HM13: variants seen among roughly 807,000 people sequenced by gnomAD.
HM13 encodes signal peptide peptidase.
In HM13, 18 loss-of-function variants were observed where a neutral mutation model predicts 50.0. That is an observed-to-expected ratio of 0.36 (90% CI 0.25 to 0.53). HM13 has a LOEUF of 0.53. Ranked by LOEUF, HM13 falls within the 20% of genes least tolerant of loss-of-function variation. HM13 has a pLI of 0.90. For missense variants in HM13, 393 were observed against 552.4 expected (o/e 0.71, Z 2.89); for synonymous variants, 197 against 232.6 (o/e 0.85, Z 1.39).
At chr20:31,523,024 G>A (rs1324661658) in intron 1 of HM13, among the ~76,000 whole-genome samples, 1 of 140,220 alleles carries the variant, frequency 7.1e-6, no homozygotes, top group African/African-American at 3.0e-5. Context: ...CATTATAATA[G>A]CCTGTTTGGG....
chr20:31,534,207 C>T (rs1982982594), intron 2 of HM13, among the ~76,000 whole-genome samples: 1 of 152,086 alleles, frequency 6.6e-6, no homozygotes, highest in African/African-American at 2.4e-5. Context: ...GGATCACTCG[C>T]ACACAGCCAC....
chr20:31,532,327 A>G (rs973580864), intron 2 of HM13, among the ~76,000 whole-genome samples: 2 of 152,208 alleles, frequency 1.3e-5, no homozygotes, highest in African/African-American at 4.8e-5. Context: ...TGGGAGGCTG[A>G]GGCAGGAGAA....
intron 4 of HM13, 70 bp downstream of exon 4, chr20:31,545,105 A>G (rs1983638704): frequency 2.4e-6 from 3 of 1,228,904 alleles, no homozygotes; most frequent in African/African-American, 3.0e-5. Flanking sequence ...TTGTCTCTCC[A>G]ATATTGGGGT....
intron 1 of HM13, among the ~76,000 whole-genome samples, chr20:31,516,743 TCTC>T (rs1173923299): frequency 6.6e-6 from 1 of 152,074 alleles, no homozygotes; most frequent in Admixed American, 6.6e-5. Context: ...CTCCCAAGCA[TCTC>T]CTGCAGGGCA....
At chr20:31,518,519 G>T (rs1385403106) in intron 1 of HM13, among the ~76,000 whole-genome samples, 1 of 151,184 alleles carries the variant, frequency 6.6e-6, no homozygotes, top group Non-Finnish European at 1.5e-5. Flanking sequence ...GGTGGGGCAC[G>T]CCTGTAATCC....
chr20:31,539,647 T>G (rs1983321308), intron 3 of HM13: 3 of 291,524 alleles, frequency 1.0e-5, no homozygotes, highest in Non-Finnish European at 1.5e-5. Context: ...TACAAAAAAA[T>G]TAGCTGGGCA....
rs1298890398 is a variant in HM13, at chr20:31,569,199, C to A, written c.1261C>A (p.Leu421Met). ...AACAGAGGCATCAGCATCGAAGGGGCTGGAGAAGAAAGAGAAATGATGCAG... is the reference window on the plus strand; with the variant it reads ...AACAGAGGCATCAGCATCGAAGGGGATGGAGAAGAAAGAGAAATGATGCAG... ...EGTEASASKG[L>M]EKKEK is the part of the protein sequence containing the mutation. Residue 421 changes from leucine to methionine, a missense_variant, in exon 13 of 13, where the codon CTG becomes ATG. Physicochemically the swap from Leu to Met is conservative, Grantham distance 15 (BLOSUM62 2). Around this residue, in one of 3 missense-constraint regions of HM13, gnomAD observed 105 missense variants for 115.9 expected, o/e 0.91. Transcript: ENST00000398174. 1 of 1,595,638 alleles carries A rather than the reference C, an allele frequency of 6.3e-7. No homozygotes were observed. The highest frequency in any genetic ancestry group is 8.5e-7 in the Non-Finnish European group (1 of 1,170,334).
intron 1 of HM13, among the ~76,000 whole-genome samples, chr20:31,521,000 A>G (rs1236801831): frequency 6.6e-6 from 1 of 152,180 alleles, no homozygotes; most frequent in Non-Finnish European, 1.5e-5. Flanking sequence ...CCAGAATGTC[A>G]CTGGAAGCTA....
chr20:31,533,696 T>C (rs529830416), intron 2 of HM13, among the ~76,000 whole-genome samples: 2 of 152,304 alleles, frequency 1.3e-5, no homozygotes, highest in South Asian at 4.1e-4. Flanking sequence ...CCCTTTTGCT[T>C]GTGTCTTTCA....
At chr20:31,561,546 G>A in intron 9 of HM13, 88 bp from the exon 10 acceptor site, 1 of 917,918 alleles carries the variant, frequency 1.1e-6, no homozygotes, top group Non-Finnish European at 1.8e-6. Flanking sequence ...ACAACCTCTA[G>A]GGTCTTCCCC....
intron 1 of HM13, among the ~76,000 whole-genome samples, chr20:31,525,897 G>A (rs1350198927): frequency 2.6e-5 from 4 of 152,114 alleles, no homozygotes; most frequent in African/African-American, 7.2e-5. Context: ...AGGCTAAGGC[G>A]GGTAAATCAC....
intron 7 of HM13, among the ~76,000 whole-genome samples, chr20:31,552,351 A>C (rs981181413): frequency 2.6e-5 from 4 of 152,208 alleles, no homozygotes; most frequent in Non-Finnish European, 1.5e-5. Context: ...GGGAGTGGGC[A>C]TAGCTGAGTT....
At chr20:31,537,339 T>C (rs1191922911) in intron 2 of HM13, among the ~76,000 whole-genome samples, 1 of 152,244 alleles carries the variant, frequency 6.6e-6, no homozygotes, top group African/African-American at 2.4e-5. Context: ...TTTCGGCTTA[T>C]GAGAGCAGAG....
chr20:31,521,661 G>A lies in HM13; in HGVS notation c.184-5823G>A, dbSNP rs1048699519. 2.0e-4 allele frequency among the ~76,000 whole-genome samples: 30 copies of A among 150,420 alleles called. 1 individual carries two copies. Among genetic ancestry groups the A allele is most frequent in the Non-Finnish European group, 4.1e-4 (28 of 67,878 alleles). ...TGAGAATTGCTTGAACCCAAGAGGC[G>A]GAGGTTGCAGTGAGCCAAGATTGCA... On this transcript the variant is annotated intron_variant, in intron 1 of 12. Transcript: ENST00000398174.
chr20:31,552,343 G>A (rs557900921), intron 7 of HM13, among the ~76,000 whole-genome samples: 15 of 152,340 alleles, frequency 9.8e-5, no homozygotes, highest in African/African-American at 3.6e-4. Flanking sequence ...GAGAATCAGG[G>A]AGTGGGCATA....
At chr20:31,533,332 G>A (rs373913162) in intron 2 of HM13, among the ~76,000 whole-genome samples, 5 of 152,152 alleles carry the variant, frequency 3.3e-5, no homozygotes, top group African/African-American at 4.8e-5. Context: ...GTAAAACCCC[G>A]TCTCTACTAA....
chr20:31,548,088 A>C lies in HM13; in HGVS notation c.455-941A>C. 2.3e-6 allele frequency: 3 copies of C among 1,289,046 alleles called. No individual in the cohort carries two copies. The South Asian group carries it at 3.6e-5, about 15-fold the overall frequency. 79.9% of individuals were successfully genotyped at this position (1,289,046 alleles called of 1,614,324 possible). ...TGCATTTGGGGGGCTAAATGTGGAT[A>C]TTGATTGTGTCGTATGTGTGTTTGT... On this transcript the variant is annotated intron_variant, in intron 4 of 12. Transcript: ENST00000398174.
In HM13 at chr20:31,550,446, C is replaced by T. The variant is rs756667106; in HGVS notation, c.724+325C>T. ...GAGAGAAAACCTCTAAGCCGAGACC[C>T]CTCACTGGGGTCCCCTTGGCACCTG... is the stretch of plus-strand genomic sequence containing the variant. On this transcript the variant is annotated intron_variant, in intron 7 of 12. Coordinates refer to ENST00000398174, the MANE Select transcript of HM13 (RefSeq NM_178581.3). 3.3e-4 allele frequency: 94 copies of T among 286,018 alleles called. No homozygotes were observed. In the Middle Eastern group the frequency reaches 0.013, roughly 41 times the overall value. 17.7% of individuals were successfully genotyped at this position (286,018 alleles called of 1,614,324 possible).
At chr20:31,560,791 C>CAGTTCTCAAGATAGGTG (rs1984558495) in intron 9 of HM13, among the ~76,000 whole-genome samples, 2 of 152,224 alleles carry the variant, frequency 1.3e-5, no homozygotes, top group African/African-American at 4.8e-5. Context: ...ACTTGTATCC[C>CAGTTCTCAAGATAGGTG]AGTTCTCAAG....
Sources: gnomAD v4.1 joint callset for allele counts (sites outside exome capture counted in the v4.1 genomes callset) on GRCh38, gnomAD v4.1.1 for gene constraint, gnomAD v4.1.1 regional missense constraint, MANE v1.5 for transcripts, NCBI Gene and HGNC (gene_info 2026-07-23, HGNC 2026-07-21) for gene names.